Variants in ATP8A2 observed in about 807,000 individuals in gnomAD.
The protein encoded by ATP8A2 is ATPase phospholipid transporting 8A2, also known as phospholipid-transporting ATPase IB.
ATP8A2 carries 100 observed loss-of-function variants against 165.6 expected under a neutral mutation model. The observed-to-expected ratio is 0.60, with a 90% CI of 0.51 to 0.71. The LOEUF is 0.71. ATP8A2 is among the 30% of genes least tolerant of loss of function. The pLI is 0.00. For missense variants in ATP8A2, 1,227 were observed against 1,479.5 expected (o/e 0.83, Z 2.80); for synonymous variants, 543 against 548.8 (o/e 0.99, Z 0.15).
At chr13:25,956,726 A>G (rs1955532703) in intron 33 of ATP8A2, among the ~76,000 whole-genome samples, 1 of 152,252 alleles carries the variant, frequency 6.6e-6, no homozygotes, top group African/African-American at 2.4e-5. Flanking sequence ...TGCTCTCCCC[A>G]TCAAGCTACC....
chr13:25,976,847 G>A (rs1171968566), intron 35 of ATP8A2, among the ~76,000 whole-genome samples: 2 of 152,140 alleles, frequency 1.3e-5, no homozygotes, highest in Non-Finnish European at 2.9e-5. Flanking sequence ...GGAGTGCAGT[G>A]GTGCGACCTC....
chr13:25,943,340 T>C (rs1029301245), intron 33 of ATP8A2, among the ~76,000 whole-genome samples: 1 of 152,186 alleles, frequency 6.6e-6, no homozygotes. Context: ...AACGTTTCAG[T>C]CAACAGCAGA....
intron 1 of ATP8A2, among the ~76,000 whole-genome samples, chr13:25,401,129 G>T (rs1424834867): frequency 6.6e-6 from 1 of 152,080 alleles, no homozygotes; most frequent in Non-Finnish European, 1.5e-5. Flanking sequence ...GCACAGCTCG[G>T]AAATGAGACA....
At position 25,744,489 on chromosome 13, in the gene ATP8A2, C is replaced by T. The variant is rs150625132; in HGVS notation, c.2385-24557C>T. Reference sequence around the variant, plus strand: ...CTTAGTCCTTTCAAAAGAACTAAAGCGGGGGGAGGGGAGAACTTAATTTTT... The same window carrying T: ...CTTAGTCCTTTCAAAAGAACTAAAGTGGGGGGAGGGGAGAACTTAATTTTT... On this transcript the variant is annotated intron_variant, in intron 25 of 36. Coordinates refer to ENST00000381655, the MANE Select transcript of ATP8A2 (RefSeq NM_016529.6). Among the ~76,000 whole-genome samples, 1,285 of 152,188 alleles carry T rather than the reference C, an allele frequency of 8.4e-3. 23 individuals carry two copies. Among genetic ancestry groups the T allele is most frequent in the African/African-American group, 0.03 (1,238 of 41,520 alleles).
intron 36 of ATP8A2, among the ~76,000 whole-genome samples, chr13:26,016,828 G>A (rs1233021076): frequency 6.6e-6 from 1 of 152,172 alleles, no homozygotes; most frequent in South Asian, 2.1e-4. Flanking sequence ...TGGGTGTGAC[G>A]GGCCATGAAC....
At chr13:25,627,601 C>G (rs1160442880) in intron 24 of ATP8A2, among the ~76,000 whole-genome samples, 1 of 152,128 alleles carries the variant, frequency 6.6e-6, no homozygotes, top group African/African-American at 2.4e-5. Flanking sequence ...AGGAGGAGAG[C>G]TTTTATCAGT....
intron 35 of ATP8A2, among the ~76,000 whole-genome samples, chr13:25,981,674 T>TA (rs1348376609): frequency 6.6e-6 from 1 of 152,180 alleles, no homozygotes; most frequent in African/African-American, 2.4e-5. Context: ...ATTCAATGTA[T>TA]AAAAAATGCA....
intron 2 of ATP8A2, among the ~76,000 whole-genome samples, chr13:25,485,332 T>G (rs2036318317): frequency 6.6e-6 from 1 of 152,192 alleles, no homozygotes; most frequent in Non-Finnish European, 1.5e-5. Context: ...TCTCTGTACA[T>G]GGGTCAGTCA....
At position 25,750,735 on chromosome 13, in the gene ATP8A2, C is replaced by A. The variant is rs946600062; in HGVS notation, c.2385-18311C>A. On this transcript the variant is annotated intron_variant, in intron 25 of 36. Transcript: ENST00000381655. This position sits in a 1 kb window ranked among gnomAD's most constrained non-coding sequence, Gnocchi z 4.3. ...ATACGAGCACATGGGCATCAAAAAGCTTGCGAAGAAAAGTCCTCTTCTGCT... is the reference window on the plus strand; with the variant it reads ...ATACGAGCACATGGGCATCAAAAAGATTGCGAAGAAAAGTCCTCTTCTGCT... Among the ~76,000 whole-genome samples the A allele has an allele frequency of 6.6e-6, 1 of 152,098 alleles. No homozygotes were observed. Among genetic ancestry groups the A allele is most frequent in the Non-Finnish European group, 1.5e-5 (1 of 68,022 alleles).
At chr13:25,547,252 C>T (rs1383364309) in intron 10 of ATP8A2, among the ~76,000 whole-genome samples, 1 of 151,988 alleles carries the variant, frequency 6.6e-6, no homozygotes, top group African/African-American at 2.4e-5. Context: ...CAGACTGGTA[C>T]CAGTCTGTGG....
chr13:25,853,394 A>AT (rs1555278528), intron 30 of ATP8A2, among the ~76,000 whole-genome samples: 20 of 11,652 alleles, frequency 1.7e-3, no homozygotes, highest in African/African-American at 2.5e-3. Context: ...CTATCTAAAA[A>AT]AAATATATAT....
At chr13:26,009,294 G>C (rs1956797527) in intron 35 of ATP8A2, among the ~76,000 whole-genome samples, 1 of 152,132 alleles carries the variant, frequency 6.6e-6, no homozygotes, top group South Asian at 2.1e-4. Flanking sequence ...CATAAAGCCT[G>C]GTGCGCTTCC....
chr13:25,641,992 A>C (rs2137571896), intron 24 of ATP8A2, among the ~76,000 whole-genome samples: 1 of 152,298 alleles, frequency 6.6e-6, no homozygotes, highest in Middle Eastern at 3.4e-3. Context: ...CAGAAACAAG[A>C]AATGGGGAAA....
At chr13:25,785,326 T>C (rs757176485) in intron 27 of ATP8A2, among the ~76,000 whole-genome samples, 1 of 151,850 alleles carries the variant, frequency 6.6e-6, no homozygotes, top group Non-Finnish European at 1.5e-5. Context: ...CTTGAACCCA[T>C]GAGGCAGAGG....
At chr13:25,549,743 A>G (rs944283281) in intron 10 of ATP8A2, among the ~76,000 whole-genome samples, 1 of 152,000 alleles carries the variant, frequency 6.6e-6, no homozygotes, top group African/African-American at 2.4e-5. Context: ...CTGCAGTTCT[A>G]TAGGTGAGAA....
At chr13:25,627,708 G>T (rs1347217452) in intron 24 of ATP8A2, among the ~76,000 whole-genome samples, 1 of 152,162 alleles carries the variant, frequency 6.6e-6, no homozygotes, top group Non-Finnish European at 1.5e-5. Flanking sequence ...GTGGCATTTT[G>T]TTATGGCAGC....
At chr13:25,925,654 C>T (rs1954581925) in intron 33 of ATP8A2, among the ~76,000 whole-genome samples, 1 of 151,250 alleles carries the variant, frequency 6.6e-6, no homozygotes, top group South Asian at 2.1e-4. Context: ...AGGGAACAAA[C>T]ATGTAAAATA....
intron 36 of ATP8A2, among the ~76,000 whole-genome samples, chr13:26,019,575 C>T (rs1268972711): frequency 6.6e-6 from 1 of 152,176 alleles, no homozygotes; most frequent in Non-Finnish European, 1.5e-5. Flanking sequence ...AGTCGGGGAC[C>T]AGTGACCCAC....
At chr13:25,897,863 T>C (rs1438616400) in intron 33 of ATP8A2, among the ~76,000 whole-genome samples, 1 of 152,262 alleles carries the variant, frequency 6.6e-6, no homozygotes, top group Non-Finnish European at 1.5e-5. Flanking sequence ...GCGTAGTTCT[T>C]GTGCCGTGGT....
Sources: allele counts gnomAD v4.1 joint callset (sites outside exome capture counted in the v4.1 genomes callset), GRCh38; gene constraint gnomAD v4.1.1; non-coding constraint Gnocchi (gnomAD v3.1); transcripts MANE v1.5; gene names NCBI Gene and HGNC (gene_info 2026-07-23, HGNC 2026-07-21).